Variants in NPIPB7 observed in about 807,000 individuals in gnomAD.
NPIPB7 encodes nuclear pore complex interacting protein family member B7.
For synonymous variants in NPIPB7, 9 were observed against 88.1 expected, an observed-to-expected ratio of 0.10 and a Z score of 5.03; for missense variants, 14 against 238.5, an observed-to-expected ratio of 0.06 and a Z score of 6.20.
At chr16:28,470,693 G>T, upstream of NPIPB7, 1 of 566,154 alleles carries the variant, frequency 1.8e-6, no homozygotes, top group South Asian at 2.0e-5. Flanking sequence ...GAAGGGGGCT[G>T]TTGGGCACCT....
chr16:28,470,783 G>A (rs2045945055), upstream of NPIPB7, among the ~76,000 whole-genome samples: 2 of 148,844 alleles, frequency 1.3e-5, no homozygotes, highest in African/African-American at 2.4e-5. Flanking sequence ...GCTGGTGGAA[G>A]GTTTAGCTAC....
intron 2 of NPIPB7, among the ~76,000 whole-genome samples, chr16:28,465,497 G>GA (rs1168333643): frequency 2.8e-3 from 206 of 74,208 alleles, no homozygotes; most frequent in Middle Eastern, 6.8e-3. Context: ...GGTGAGAAAA[G>GA]AAAAAAAAAA....
exon 1 of NPIPB7, chr16:28,470,539 G>T (rs1423767919): frequency 5.4e-6 from 2 of 369,632 alleles, no homozygotes; most frequent in East Asian, 1.2e-4. Context: ...CCGGATCTGA[G>T]TTGGGGCGGG....
At chr16:28,470,768 C>G (rs1451668511), upstream of NPIPB7, among the ~76,000 whole-genome samples, 1 of 149,888 alleles carries the variant, frequency 6.7e-6, no homozygotes, top group Non-Finnish European at 1.5e-5. Flanking sequence ...ATTAAGTTCT[C>G]AAGCGCTGGT....
chr16:28,465,533 C>T (rs1436901947), intron 2 of NPIPB7, among the ~76,000 whole-genome samples: 9 of 147,228 alleles, frequency 6.1e-5, no homozygotes, highest in East Asian at 2.0e-4. Flanking sequence ...CAATTTATAC[C>T]GAAAATTCTC....
upstream of NPIPB7, chr16:28,470,604 G>A (rs2045941552): frequency 4.4e-5 from 2 of 45,508 alleles, no homozygotes; most frequent in Admixed American, 3.1e-4. Context: ...GGGAGGGGAA[G>A]GGGAAGGGGA....
chr16:28,470,753 T>G (rs1229583527), upstream of NPIPB7, among the ~76,000 whole-genome samples: 3 of 150,110 alleles, frequency 2.0e-5, no homozygotes, highest in Non-Finnish European at 4.5e-5. Context: ...AAGGATCCGG[T>G]TCAAATTAAG....
chr16:28,468,806 CAAAAAA>C (rs1032086551), intron 1 of NPIPB7, among the ~76,000 whole-genome samples: 1 of 24,408 alleles, frequency 4.1e-5, no homozygotes, highest in African/African-American at 1.3e-4. Context: ...GACTCTGTCT[CAAAAAA>C]AAAAAAAAAA....
At chr16:28,460,142 ACT>A (rs1450142206) in intron 4 of NPIPB7, among the ~76,000 whole-genome samples, 4 of 93,956 alleles carry the variant, frequency 4.3e-5, no homozygotes, top group African/African-American at 1.3e-4. Flanking sequence ...TCCTCATCTG[ACT>A]CTTCCTGTGT....
chr16:28,471,990 A>T (rs1269885327), upstream of NPIPB7, among the ~76,000 whole-genome samples: 1 of 152,142 alleles, frequency 6.6e-6, no homozygotes, highest in East Asian at 1.9e-4. Context: ...AGATAGTGCC[A>T]CTGCACTCCA....
At chr16:28,462,080 G>C (rs1165946564) in intron 4 of NPIPB7, among the ~76,000 whole-genome samples, 4 of 148,040 alleles carry the variant, frequency 2.7e-5, no homozygotes, top group Non-Finnish European at 4.5e-5. Context: ...TTGCACCATA[G>C]CACTCCAGCC....
At chr16:28,461,842 A>G (rs153102) in intron 4 of NPIPB7, among the ~76,000 whole-genome samples, 1 of 141,158 alleles carries the variant, frequency 7.1e-6, no homozygotes, top group African/African-American at 2.7e-5. Context: ...CAGCTACTCA[A>G]GAGGCTGAGG....
upstream of NPIPB7, chr16:28,470,625 A>AAGGGGAGGGGGAGGGGG (rs1567250674): frequency 1.5e-4 from 1 of 6,626 alleles, no homozygotes. Flanking sequence ...GGGGAAGGGG[A>AAGGGGAGGGGGAGGGGG]GGGGAGGGGG....
chr16:28,468,392 A>G (rs2045918014), intron 1 of NPIPB7, among the ~76,000 whole-genome samples: 1 of 147,294 alleles, frequency 6.8e-6, no homozygotes, highest in South Asian at 2.2e-4. Flanking sequence ...ATCCCTCTAA[A>G]TAATACTTCT....
At chr16:28,462,447 A>G (rs1172579848) in intron 4 of NPIPB7, among the ~76,000 whole-genome samples, 3 of 148,888 alleles carry the variant, frequency 2.0e-5, no homozygotes, top group Admixed American at 1.3e-4. Context: ...AGGAAAACCA[A>G]TGCCAGTACT....
chr16:28,468,457 A>T (rs1180551106), intron 1 of NPIPB7, among the ~76,000 whole-genome samples: 2 of 150,640 alleles, frequency 1.3e-5, no homozygotes, highest in Non-Finnish European at 3.0e-5. Flanking sequence ...TAAAAAAAAA[A>T]AATACAATGA....
At chr16:28,470,716 G>C (rs1405778323), upstream of NPIPB7, among the ~76,000 whole-genome samples, 1 of 150,886 alleles carries the variant, frequency 6.6e-6, no homozygotes, top group African/African-American at 2.4e-5. Flanking sequence ...AGGAGGTGGA[G>C]GAGGAGAAGA....
chr16:28,464,340 C>G (rs1374479257), intron 2 of NPIPB7, among the ~76,000 whole-genome samples: 2 of 151,190 alleles, frequency 1.3e-5, no homozygotes, highest in East Asian at 2.0e-4. Flanking sequence ...AACATTCTCA[C>G]TAATGACTGA....
chr16:28,469,373 C>T (rs1349582775), intron 1 of NPIPB7, among the ~76,000 whole-genome samples: 98 of 120,886 alleles, frequency 8.1e-4, no homozygotes, highest in African/African-American at 2.5e-3. Context: ...CCGAGGCGGG[C>T]GGATCACCTG....
Sources: allele counts gnomAD v4.1 joint callset (sites outside exome capture counted in the v4.1 genomes callset), GRCh38; gene constraint gnomAD v4.1.1; transcripts MANE v1.5; gene names NCBI Gene and HGNC (gene_info 2026-07-23, HGNC 2026-07-21).